LMNTD1: variants seen among roughly 807,000 people sequenced by gnomAD.
LMNTD1 encodes lamin tail domain containing 1.
In LMNTD1, 35 loss-of-function variants were observed where a neutral mutation model predicts 50.9. The ratio of observed to expected loss-of-function variants is 0.69; its 90% CI spans 0.53 to 0.91. LMNTD1 has a LOEUF of 0.91. Among genes scored for constraint, LMNTD1 ranks in the 40% least tolerant of loss-of-function variants. LMNTD1 has a pLI of 0.00. For missense variants in LMNTD1, 470 were observed against 475.5 expected (o/e 0.99, Z 0.11); for synonymous variants, 153 against 161.9 (o/e 0.94, Z 0.42).
chr12:25,631,965 A>G (rs530485612), intron 1 of LMNTD1, among the ~76,000 whole-genome samples: 1 of 152,306 alleles, frequency 6.6e-6, no homozygotes, highest in Admixed American at 6.5e-5. Context: ...ACAATAAAAA[A>G]TTCAGGAAAC....
At chr12:25,501,530 G>A (rs1939390369) in intron 9 of LMNTD1, among the ~76,000 whole-genome samples, 1 of 152,136 alleles carries the variant, frequency 6.6e-6, no homozygotes, top group Non-Finnish European at 1.5e-5. Flanking sequence ...TAGCAGAGTG[G>A]TGTGGAAGAG....
intron 1 of LMNTD1, among the ~76,000 whole-genome samples, chr12:25,620,568 C>T (rs1181795659): frequency 4.6e-5 from 7 of 152,128 alleles, no homozygotes; most frequent in African/African-American, 1.7e-4. Context: ...ATCAAAAACT[C>T]TGCTGCTATT....
At position 25,519,964 on chromosome 12, in the gene LMNTD1, A is replaced by T. The variant is rs765361089; in HGVS notation, c.910T>A (p.Phe304Ile). Residue 304 changes from phenylalanine (F) to isoleucine (I), a missense_variant, in exon 7 of 10, where the codon TTT becomes ATT. Transcript: ENST00000458174. ...VVSPTFRKRV[F>I]QWTASTATIT... ...GTAGCTGTAGATGCTGTCCACTGAAACACACGCTTTCGGAATGTTGGAGAT... is the reference window on the plus strand; with the variant it reads ...GTAGCTGTAGATGCTGTCCACTGAATCACACGCTTTCGGAATGTTGGAGAT... 1.3e-5 allele frequency: 21 copies of T among 1,613,440 alleles called. No individual in the cohort carries two copies. The East Asian group carries it at 4.7e-4, about 36-fold the overall frequency.
At chr12:25,537,480 C>T (rs564524064) in intron 4 of LMNTD1, among the ~76,000 whole-genome samples, 185 of 152,312 alleles carry the variant, frequency 1.2e-3, no homozygotes, top group African/African-American at 4.4e-3. Flanking sequence ...CCTCACACTG[C>T]AGGGTACTCC....
intron 1 of LMNTD1, among the ~76,000 whole-genome samples, chr12:25,572,903 T>C (rs1365055339): frequency 6.6e-6 from 1 of 151,092 alleles, no homozygotes; most frequent in African/African-American, 2.4e-5. Context: ...CCCATTGTGC[T>C]ATGCTTTCTT....
At chr12:25,568,291 A>C (rs1353553771) in intron 1 of LMNTD1, among the ~76,000 whole-genome samples, 1 of 152,270 alleles carries the variant, frequency 6.6e-6, no homozygotes, top group Non-Finnish European at 1.5e-5. Context: ...AAAACGGTCA[A>C]TATGTTGCCT....
intron 8 of LMNTD1, among the ~76,000 whole-genome samples, chr12:25,515,872 T>C (rs1440975532): frequency 6.6e-6 from 1 of 152,162 alleles, no homozygotes; most frequent in African/African-American, 2.4e-5. Context: ...AACTAGCCTA[T>C]TTATTATTTT....
At chr12:25,638,441 TA>T (rs1565532486) in intron 1 of LMNTD1, among the ~76,000 whole-genome samples, 1 of 152,024 alleles carries the variant, frequency 6.6e-6, no homozygotes, top group Non-Finnish European at 1.5e-5. Flanking sequence ...TAGAAAATAC[TA>T]AACAACTTAC....
At position 25,546,547 on chromosome 12, in the gene LMNTD1, G is replaced by T. The variant is rs745455370; in HGVS notation, c.318C>A (p.Ser106Arg). The stretch of plus-strand genomic sequence containing the variant: ...CCTGTTTCTTCGGAACTGAGAAGGG[G>T]CTGGCATCTTTCAAGTAGACAGAAG... ...CSRVENSLDA[S>R]PFSVPKKQDE... is the part of the protein sequence containing the mutation. Residue 106 changes from serine to arginine, a missense_variant, in exon 4 of 10, where the codon AGC (serine) becomes AGA (arginine). Physicochemically the swap from Ser to Arg is moderately radical, Grantham distance 110. Coordinates refer to ENST00000458174, the MANE Select transcript of LMNTD1 (RefSeq NM_001145728.2). The T allele has an allele frequency of 6.5e-7, 1 of 1,531,312 alleles. No individual in the cohort carries two copies. The highest frequency in any genetic ancestry group is 8.8e-7 in the Non-Finnish European group (1 of 1,136,768). 94.9% of individuals were successfully genotyped at this position (1,531,312 alleles called of 1,614,324 possible).
chr12:25,629,750 T>C (rs1483471384), intron 1 of LMNTD1, among the ~76,000 whole-genome samples: 1 of 152,174 alleles, frequency 6.6e-6, no homozygotes, highest in Non-Finnish European at 1.5e-5. Context: ...ATCATGGCTA[T>C]TAATTCCATG....
chr12:25,495,249 C>CATGTGTGTGTGT (rs71449919), intron 9 of LMNTD1, among the ~76,000 whole-genome samples: 1 of 144,668 alleles, frequency 6.9e-6, no homozygotes, highest in Non-Finnish European at 1.5e-5. Flanking sequence ...AAAGTGTGTA[C>CATGTGTGTGTGT]GTGTGTGTGT....
intron 8 of LMNTD1, among the ~76,000 whole-genome samples, chr12:25,513,972 C>A (rs1254066265): frequency 2.1e-5 from 3 of 142,464 alleles, no homozygotes; most frequent in Non-Finnish European, 4.6e-5. Flanking sequence ...ATAAAGGTAT[C>A]AACTCTCAAC....
In LMNTD1 at chr12:25,520,072, T is replaced by C. The variant is rs1746328847; in HGVS notation, c.802A>G (p.Ile268Val). Reference protein sequence around the residue: ...TILCKPNGQAIAWYTPIHWKQ... With the variant: ...TILCKPNGQAVAWYTPIHWKQ... ...CAGTGGATAGGGGTGTACCACGCAA[T>C]GGCCTAATGAAAATGATTTATTAAT... Residue 268 changes from isoleucine (I) to valine (V), a missense_variant, in exon 7 of 10, where the codon ATT (isoleucine) becomes GTT (valine). Physicochemically the swap from Ile to Val is conservative, Grantham distance 29. Coordinates refer to ENST00000458174, the MANE Select transcript of LMNTD1 (RefSeq NM_001145728.2). The C allele has an allele frequency of 6.2e-7, 1 of 1,604,478 alleles. No homozygotes were observed. The highest frequency in any genetic ancestry group is 8.5e-7 in the Non-Finnish European group (1 of 1,174,792).
At chr12:25,537,807 A>G (rs1329512270) in intron 4 of LMNTD1, among the ~76,000 whole-genome samples, 1 of 151,976 alleles carries the variant, frequency 6.6e-6, no homozygotes, top group African/African-American at 2.4e-5. Flanking sequence ...CCAAAGGCAA[A>G]GAAGTTGAAA....
chr12:25,510,854 A>C (rs531704452), intron 8 of LMNTD1, among the ~76,000 whole-genome samples: 1 of 152,306 alleles, frequency 6.6e-6, no homozygotes, highest in South Asian at 2.1e-4. Context: ...GCAAGTGACA[A>C]AAAGACAAGC....
At chr12:25,562,360 G>T (rs952768322) in intron 1 of LMNTD1, among the ~76,000 whole-genome samples, 14 of 152,150 alleles carry the variant, frequency 9.2e-5, no homozygotes, top group Admixed American at 2.6e-4. Flanking sequence ...GCATTTGTTT[G>T]TCTGTAAAGG....
At chr12:25,504,251 A>G (rs892247986) in intron 8 of LMNTD1, among the ~76,000 whole-genome samples, 2 of 152,182 alleles carry the variant, frequency 1.3e-5, no homozygotes, top group African/African-American at 4.8e-5. Context: ...AGGTCCAGCA[A>G]TTGGCTGCAT....
rs1308604264 is a variant in LMNTD1, at chr12:25,526,123, T to C, written c.774A>G (p.Thr258=). 1.2e-6 allele frequency: 2 copies of C among 1,604,758 alleles called. No individual in the cohort carries two copies. The highest frequency in any genetic ancestry group is 1.3e-5 in the African/African-American group (1 of 74,266). ...CTTGACCGTTCGGTTTGCACAGGAT[T>C]GTTATACAATCAGGACTTGCTCTAA... ...DKFRASPDCI[T]ILCKPNGQAI... is the part of the protein sequence containing the mutation. Residue 258 remains threonine (T), a synonymous_variant, in exon 6 of 10, where the codon ACA becomes ACG. Transcript: ENST00000458174.
chr12:25,488,636 CAA>C (rs1369807217), intron 9 of LMNTD1, among the ~76,000 whole-genome samples: 30 of 151,856 alleles, frequency 2.0e-4, no homozygotes, highest in African/African-American at 7.0e-4. Context: ...CTCAGCTCGT[CAA>C]AGTCATTCTC....
Sources: allele counts gnomAD v4.1 joint callset (sites outside exome capture counted in the v4.1 genomes callset), GRCh38; gene constraint gnomAD v4.1.1; transcripts MANE v1.5; gene names NCBI Gene and HGNC (gene_info 2026-07-23, HGNC 2026-07-21).